Variants in PARD3B observed in about 807,000 individuals in gnomAD.
PARD3B encodes the protein partitioning defective 3 homolog B.
PARD3B carries 103 observed loss-of-function variants against 130.2 expected under a neutral mutation model. That is an observed-to-expected ratio of 0.79 (90% CI 0.67 to 0.93). PARD3B has a LOEUF of 0.93. Among genes scored for constraint, PARD3B ranks in the 40% least tolerant of loss-of-function variants. The probability of loss-of-function intolerance (pLI) is 0.00; values close to 1 mark genes in which losing one functional copy is unlikely to be tolerated. For synonymous variants in PARD3B, 583 were observed against 553.2 expected, an observed-to-expected ratio of 1.05 and a Z score of -0.76; for missense variants, 1,609 against 1,499.2, an observed-to-expected ratio of 1.07 and a Z score of -1.21.
rs554798746 is a variant in PARD3B at position 205,520,300 on chromosome 2, G to GGAAACATGGGA, written c.3180+20272_3180+20282dup. ...GGTGATAAGTAGTGGTGGATATGTG[G>GGAAACATGGGA]GAAACATGGGAGATGGACTGTCCTC... On this transcript the variant is annotated intron_variant, in intron 21 of 22. Coordinates refer to ENST00000406610, the MANE Select transcript of PARD3B (RefSeq NM_001302769.2). Among the ~76,000 whole-genome samples, 334 of 152,236 alleles carry GGAAACATGGGA rather than the reference G, an allele frequency of 2.2e-3. 2 individuals are homozygous for GGAAACATGGGA. Among genetic ancestry groups the GGAAACATGGGA allele is most frequent in the Non-Finnish European group, 3.6e-3 (245 of 67,988 alleles).
intron 2 of PARD3B, among the ~76,000 whole-genome samples, chr2:204,717,392 A>G (rs1487536961): frequency 6.6e-6 from 1 of 152,218 alleles, no homozygotes; most frequent in Admixed American, 6.5e-5. Context: ...AATGCTAGGT[A>G]AGAAAATGCC....
At chr2:204,649,984 T>C (rs764169293) in intron 1 of PARD3B, among the ~76,000 whole-genome samples, 2 of 151,954 alleles carry the variant, frequency 1.3e-5, no homozygotes, top group Middle Eastern at 6.8e-3. Context: ...GATAACCTAC[T>C]GAACAGGAGA....
chr2:205,518,599 T>C (rs1377714000), intron 21 of PARD3B, among the ~76,000 whole-genome samples: 2 of 152,190 alleles, frequency 1.3e-5, no homozygotes, highest in Non-Finnish European at 2.9e-5. Context: ...AATATTGATA[T>C]GTGTGGATTT....
chr2:204,654,437 C>G (rs966678948), intron 1 of PARD3B, among the ~76,000 whole-genome samples: 2 of 145,894 alleles, frequency 1.4e-5, no homozygotes, highest in African/African-American at 5.6e-5. Context: ...TCACAGATAA[C>G]TCTGTTACCT....
chr2:205,468,247 C>G (rs982692117), intron 20 of PARD3B, among the ~76,000 whole-genome samples: 20 of 152,224 alleles, frequency 1.3e-4, no homozygotes, highest in African/African-American at 4.8e-4. Context: ...TGAGACCAAA[C>G]TCACAGTATA....
rs1282982204 is a variant in PARD3B at position 205,558,753 on chromosome 2, C to T, written c.3260+5350C>T. 6.6e-6 allele frequency among the ~76,000 whole-genome samples: 1 copy of T among 152,150 alleles called. No individual in the cohort carries two copies. Among genetic ancestry groups the T allele is most frequent in the East Asian group, 1.9e-4 (1 of 5,178 alleles). ...AAGTACCTGCCTAACATTCATGTCC[C>T]ACTCTTGTGACCCCGTTTGATATAC... On this transcript the variant is annotated intron_variant, in intron 22 of 22. Coordinates refer to ENST00000406610, the MANE Select transcript of PARD3B (RefSeq NM_001302769.2). This position sits in a 1 kb window ranked among gnomAD's most constrained non-coding sequence, Gnocchi z 4.8.
chr2:205,232,440 AAG>A (rs939638358), intron 15 of PARD3B, among the ~76,000 whole-genome samples: 5 of 152,202 alleles, frequency 3.3e-5, no homozygotes, highest in Admixed American at 3.3e-4. Context: ...ATCTGTAAAA[AAG>A]TTTTAAATAC....
chr2:205,102,941 A>G (rs1193834419), intron 4 of PARD3B, among the ~76,000 whole-genome samples: 1 of 151,812 alleles, frequency 6.6e-6, no homozygotes, highest in East Asian at 1.9e-4. Flanking sequence ...GGTGGTGGGC[A>G]CCTGTAATCC....
chr2:205,577,253 G>GT (rs36019925), intron 22 of PARD3B, among the ~76,000 whole-genome samples: 32,432 of 151,144 alleles, frequency 0.21, 4,222 homozygotes, highest in East Asian at 0.41. Flanking sequence ...AATGAAGACA[G>GT]TTTTTTTTTC....
At chr2:204,795,257 G>T (rs1197700216) in intron 2 of PARD3B, among the ~76,000 whole-genome samples, 2 of 152,102 alleles carry the variant, frequency 1.3e-5, no homozygotes, top group African/African-American at 2.4e-5. Flanking sequence ...CAATTTTTGG[G>T]CAAACAGATT....
chr2:205,520,259 C>T (rs1418765002), intron 21 of PARD3B, among the ~76,000 whole-genome samples: 3 of 152,186 alleles, frequency 2.0e-5, no homozygotes, highest in Non-Finnish European at 4.4e-5. Flanking sequence ...AAGCCCAAGC[C>T]AGGGATTCCT....
At chr2:204,582,840 G>A (rs1017699235) in intron 1 of PARD3B, among the ~76,000 whole-genome samples, 1 of 152,152 alleles carries the variant, frequency 6.6e-6, no homozygotes, top group Non-Finnish European at 1.5e-5. Context: ...GTGTGAGATG[G>A]TATCTCATAG....
chr2:205,561,432 G>A (rs894220945), intron 22 of PARD3B, among the ~76,000 whole-genome samples: 1 of 152,138 alleles, frequency 6.6e-6, no homozygotes, highest in African/African-American at 2.4e-5. Flanking sequence ...CTGGGTGTGG[G>A]TAGAGGTTTG....
At chr2:205,029,602 G>A (rs1186986432) in intron 3 of PARD3B, among the ~76,000 whole-genome samples, 1 of 152,126 alleles carries the variant, frequency 6.6e-6, no homozygotes, top group Non-Finnish European at 1.5e-5. Flanking sequence ...TCTCCCTCTT[G>A]CTCCTACAGC....
Position 205,615,947 on chromosome 2 carries a change from A to G in PARD3B, c.*134A>G. 2 of 767,890 alleles carry G rather than the reference A, an allele frequency of 2.6e-6. No homozygotes were observed. Among genetic ancestry groups the G allele is most frequent in the South Asian group, 1.9e-5 (1 of 52,736 alleles). 47.6% of individuals were successfully genotyped at this position (767,890 alleles called of 1,614,324 possible). A position where few individuals can be genotyped will look rare whatever the true frequency, so the allele number is the denominator to read the frequency against. On this transcript the variant is annotated 3_prime_UTR_variant, in exon 23 of 23. Coordinates refer to ENST00000406610, the MANE Select transcript of PARD3B (RefSeq NM_001302769.2). Reference sequence around the variant, plus strand: ...ATAAGCTTTTTCTCACTGACATTGTAACGCATGACTGCTAATCAGAGAGAA... The same window carrying G: ...ATAAGCTTTTTCTCACTGACATTGTGACGCATGACTGCTAATCAGAGAGAA...
intron 2 of PARD3B, among the ~76,000 whole-genome samples, chr2:204,883,892 C>T (rs1256030879): frequency 6.6e-6 from 1 of 151,958 alleles, no homozygotes; most frequent in African/African-American, 2.4e-5. Context: ...TGCGTGCCAC[C>T]ATGCCCAGCT....
rs182693420 is a variant in PARD3B at position 204,660,759 on chromosome 2, A to G, written c.121-25422A>G. Among the ~76,000 whole-genome samples the G allele has an allele frequency of 2.5e-3, 384 of 152,308 alleles. 6 individuals carry two copies. The highest frequency in any genetic ancestry group is 4.4e-4 in the Non-Finnish European group (30 of 68,026). ...TTTTGTTTTTCATTTCCTTTTAGGA[A>G]CAGAACTCATTAATTGCTACTAATA... On this transcript the variant is annotated intron_variant, in intron 1 of 22. Transcript: ENST00000406610.
At chr2:205,156,008 A>G (rs1318155094) in intron 10 of PARD3B, among the ~76,000 whole-genome samples, 1 of 152,166 alleles carries the variant, frequency 6.6e-6, no homozygotes, top group Non-Finnish European at 1.5e-5. Context: ...ACTTGGAACC[A>G]ACCCAAATGT....
At chr2:205,533,916 G>A (rs1172656221) in intron 21 of PARD3B, among the ~76,000 whole-genome samples, 1 of 151,660 alleles carries the variant, frequency 6.6e-6, no homozygotes, top group East Asian at 1.9e-4. Flanking sequence ...TTTAAGAGAT[G>A]AAGAAAATCA....
Sources: allele counts gnomAD v4.1 joint callset (sites outside exome capture counted in the v4.1 genomes callset), GRCh38; gene constraint gnomAD v4.1.1; non-coding constraint Gnocchi (gnomAD v3.1); transcripts MANE v1.5; gene names NCBI Gene and HGNC (gene_info 2026-07-23, HGNC 2026-07-21).